Variants in FSHR observed in about 807,000 individuals in gnomAD.
The protein encoded by FSHR is follicle-stimulating hormone receptor.
In FSHR, 46 loss-of-function variants were observed where a neutral mutation model predicts 52.1. That is an observed-to-expected ratio of 0.88 (90% confidence interval 0.70 to 1.13). The LOEUF is 1.13. FSHR is among the 50% of genes most tolerant of loss of function. The pLI is 0.00. For synonymous variants in FSHR, 399 were observed against 309.6 expected (o/e 1.29, Z -3.03); for missense variants, 964 against 834.6 (o/e 1.16, Z -1.91).
chr2:49,022,478 G>A lies in FSHR; in HGVS notation c.225-2318C>T, dbSNP rs140701532. Among the ~76,000 whole-genome samples, 55 of 152,160 alleles carry A rather than the reference G, an allele frequency of 3.6e-4. No individual in the cohort carries two copies. In the South Asian group the frequency reaches 3.7e-3, roughly 10 times the overall value. On this transcript the variant is annotated intron_variant, in intron 2 of 9. Transcript: ENST00000406846. ...ATGAGAAATTTAGACATCTTATTCC[G>A]ATCTAACCCAATTCTGTCTCTAGTT...
intron 1 of FSHR, among the ~76,000 whole-genome samples, chr2:49,071,392 A>T (rs1013826225): frequency 1.3e-5 from 2 of 152,174 alleles, no homozygotes; most frequent in Non-Finnish European, 2.9e-5. Context: ...AAATTATTAG[A>T]GAAAATAACT....
chr2:48,975,918 T>A (rs1674966491), intron 8 of FSHR, among the ~76,000 whole-genome samples: 1 of 152,188 alleles, frequency 6.6e-6, no homozygotes, highest in African/African-American at 2.4e-5. Context: ...AAATATACAA[T>A]CATGTCATCC....
At chr2:49,032,336 C>G (rs1668128741) in intron 2 of FSHR, among the ~76,000 whole-genome samples, 1 of 152,180 alleles carries the variant, frequency 6.6e-6, no homozygotes, top group Non-Finnish European at 1.5e-5. Context: ...CTGTCACATT[C>G]TCCATAATAC....
At chr2:49,068,811 T>G (rs961547553) in intron 1 of FSHR, among the ~76,000 whole-genome samples, 1 of 152,054 alleles carries the variant, frequency 6.6e-6, no homozygotes, top group African/African-American at 2.4e-5. Flanking sequence ...GTACTGTGAG[T>G]GAACTCTCCA....
intron 9 of FSHR, among the ~76,000 whole-genome samples, chr2:48,966,825 A>C (rs1674497901): frequency 6.6e-6 from 1 of 152,246 alleles, no homozygotes; most frequent in African/African-American, 2.4e-5. Flanking sequence ...ATGTAGTGTA[A>C]GAACCATGTT....
intron 8 of FSHR, among the ~76,000 whole-genome samples, chr2:48,974,997 G>A (rs1007726426): frequency 8.6e-5 from 13 of 151,994 alleles, no homozygotes; most frequent in Non-Finnish European, 1.3e-4. Flanking sequence ...TGGGTGGGGG[G>A]TAGTAACAAA....
intron 2 of FSHR, among the ~76,000 whole-genome samples, chr2:49,049,989 A>T (rs563856809): frequency 7.9e-5 from 12 of 152,092 alleles, no homozygotes; most frequent in Non-Finnish European, 1.8e-4. Context: ...CTAGCAAGTT[A>T]AAAATAGGGA....
intron 8 of FSHR, 140 bp downstream of exon 8, chr2:48,982,772 A>G (rs1008453697): frequency 2.7e-5 from 20 of 753,526 alleles, no homozygotes; most frequent in Non-Finnish European, 4.8e-5. Flanking sequence ...TTGTCTCTAT[A>G]AATTTTTGCA....
intron 8 of FSHR, among the ~76,000 whole-genome samples, chr2:48,982,011 T>C (rs1573040993): frequency 2.0e-5 from 3 of 152,230 alleles, no homozygotes. Context: ...TTCTCTCCTT[T>C]TGGGTTCCTT....
intron 1 of FSHR, among the ~76,000 whole-genome samples, chr2:49,114,179 C>T (rs1671521899): frequency 6.6e-6 from 1 of 152,122 alleles, no homozygotes; most frequent in Non-Finnish European, 1.5e-5. Context: ...AACTTTGGCA[C>T]CCCAGCATCA....
intron 1 of FSHR, among the ~76,000 whole-genome samples, chr2:49,105,277 G>A (rs1236789506): frequency 6.6e-6 from 1 of 152,058 alleles, no homozygotes; most frequent in African/African-American, 2.4e-5. Flanking sequence ...GGTGTGCTTG[G>A]GGAGTGCTGC....
chr2:49,128,806 G>A (rs577720926), intron 1 of FSHR, among the ~76,000 whole-genome samples: 76 of 151,976 alleles, frequency 5.0e-4, no homozygotes, highest in African/African-American at 1.7e-3. Context: ...GGAAAAACTC[G>A]GACATGTGGA....
chr2:49,121,802 T>A (rs1671825874), intron 1 of FSHR, among the ~76,000 whole-genome samples: 1 of 152,128 alleles, frequency 6.6e-6, no homozygotes, highest in Non-Finnish European at 1.5e-5. Context: ...AAAGATTTTT[T>A]TTTTTCCTTA....
At chr2:49,062,693 A>T (rs1034333381) in intron 2 of FSHR, among the ~76,000 whole-genome samples, 1 of 152,162 alleles carries the variant, frequency 6.6e-6, no homozygotes, top group African/African-American at 2.4e-5. Context: ...ATATACAAGG[A>T]ATTCAAACAA....
chr2:49,061,603 T>C (rs1669293947), intron 2 of FSHR, among the ~76,000 whole-genome samples: 1 of 116,870 alleles, frequency 8.6e-6, no homozygotes, highest in Non-Finnish European at 1.7e-5. Context: ...TCTAAATGTA[T>C]ATATATTTAG....
chr2:49,002,297 T>G (rs966157888), intron 4 of FSHR, among the ~76,000 whole-genome samples: 4 of 152,192 alleles, frequency 2.6e-5, no homozygotes, highest in African/African-American at 9.6e-5. Context: ...ACACCCAGTT[T>G]CATCTTGCCC....
chr2:49,151,050 T>C (rs1376963983), intron 1 of FSHR, among the ~76,000 whole-genome samples: 1 of 152,128 alleles, frequency 6.6e-6, no homozygotes, highest in African/African-American at 2.4e-5. Context: ...TGTTTATGGC[T>C]GCTTTTCTGC....
intron 1 of FSHR, among the ~76,000 whole-genome samples, chr2:49,129,794 G>A (rs765683671): frequency 1.3e-5 from 2 of 152,050 alleles, no homozygotes; most frequent in African/African-American, 2.4e-5. Flanking sequence ...GAATCCTGAC[G>A]CGCCTTCAAA....
intron 2 of FSHR, among the ~76,000 whole-genome samples, chr2:49,062,298 A>T (rs1361283090): frequency 6.6e-6 from 1 of 152,162 alleles, no homozygotes; most frequent in African/African-American, 2.4e-5. Flanking sequence ...AAAGACATTG[A>T]GAACGTTCAT....
Sources: gnomAD v4.1 joint callset for allele counts (sites outside exome capture counted in the v4.1 genomes callset) on GRCh38, gnomAD v4.1.1 for gene constraint, MANE v1.5 for transcripts, NCBI Gene and HGNC (gene_info 2026-07-23, HGNC 2026-07-21) for gene names.